The following BIRC6 variants were observed in gnomAD, a reference collection of about 807,000 sequenced individuals.
BIRC6 encodes baculoviral IAP repeat containing 6, also known as dual E2 ubiquitin-conjugating enzyme/E3 ubiquitin-protein ligase BIRC6.
BIRC6 carries 98 observed loss-of-function variants against 503.3 expected under a neutral mutation model. The ratio of observed to expected loss-of-function variants is 0.19; its 90% CI spans 0.17 to 0.23. The LOEUF is 0.23. Ranked by LOEUF, BIRC6 falls within the 10% of genes least tolerant of loss-of-function variation. BIRC6 has a pLI of 1.00. For missense variants in BIRC6, 5,360 were observed against 5,806.0 expected, an observed-to-expected ratio of 0.92 and a Z score of 2.50; for synonymous variants, 2,240 against 2,078.7, an observed-to-expected ratio of 1.08 and a Z score of -2.11.
chr2:32,413,498 T>C (rs2042109832), intron 9 of BIRC6, among the ~76,000 whole-genome samples: 1 of 152,058 alleles, frequency 6.6e-6, no homozygotes, highest in Admixed American at 6.5e-5. Flanking sequence ...TTTGTATTTT[T>C]AGTAGAGGCG....
rs1308228641 is a variant in BIRC6 at position 32,461,178 on chromosome 2, TCCCC to T, written c.4754-2015_4754-2012del. Among the ~76,000 whole-genome samples, 2 of 34,742 alleles carry T rather than the reference TCCCC, an allele frequency of 5.8e-5. 1 individual carries two copies. The highest frequency in any genetic ancestry group is 2.5e-4 in the African/African-American group (2 of 7,870). The allele number at this position is 34,742 out of a possible 152,430, so 22.8% of individuals were successfully genotyped here. On this transcript the variant is annotated intron_variant, in intron 23 of 73. Coordinates refer to ENST00000421745, the MANE Select transcript of BIRC6 (RefSeq NM_016252.4). ...CTCCCCTCTCCCCTCCCCTCTCCCC[TCCCC>T]TCTCCCCTCCCCTTCCCTTTTTTCT...
intron 11 of BIRC6, among the ~76,000 whole-genome samples, chr2:32,430,333 G>A (rs2043957012): frequency 6.6e-6 from 1 of 152,098 alleles, no homozygotes; most frequent in Non-Finnish European, 1.5e-5. Context: ...ATACTAGCAT[G>A]TATGCAAGAT....
chr2:32,510,488 T>A (rs565524791), intron 52 of BIRC6, 38 bp from the exon 53 acceptor site: 1 of 1,259,708 alleles, frequency 7.9e-7, no homozygotes, highest in South Asian at 1.3e-5. Flanking sequence ...TTAACTTGCT[T>A]ATTTAGCAAA....
intron 66 of BIRC6, among the ~76,000 whole-genome samples, chr2:32,586,085 A>G (rs1251666418): frequency 6.6e-6 from 1 of 152,146 alleles, no homozygotes; most frequent in Non-Finnish European, 1.5e-5. Flanking sequence ...ATTGACCCAT[A>G]GTCTAGCTAC....
chr2:32,499,556 C>T lies in BIRC6; in HGVS notation c.8478C>T (p.Phe2826=). ...CTCTCTCTCTCTGCAGGGGTGCTTT[C>T]CAGACAGGCCAAGGACCTCTCGATG... ...IHILSTERGA[F]QTGQGPLDAQ... The change falls in exon 46 of 74, where the codon TTC becomes TTT. Residue 2826 remains phenylalanine, a synonymous_variant. Coordinates refer to ENST00000421745, the MANE Select transcript of BIRC6 (RefSeq NM_016252.4). The T allele has an allele frequency of 6.2e-7, 1 of 1,603,260 alleles. No homozygotes were observed. Among genetic ancestry groups the T allele is most frequent in the Non-Finnish European group, 8.5e-7 (1 of 1,174,652 alleles).
intron 32 of BIRC6, chr2:32,472,872 A>G (rs1439178890): frequency 1.3e-5 from 4 of 319,006 alleles, no homozygotes; most frequent in Admixed American, 4.8e-5. Context: ...TCTAAATGAA[A>G]GATTGGAGAC....
chr2:32,481,859 A>T (rs762020), intron 38 of BIRC6, among the ~76,000 whole-genome samples: 152,382 of 152,384 alleles, frequency 1, 76,190 homozygotes, highest in Middle Eastern at 1. Flanking sequence ...ATATACATAC[A>T]TTACCACTAA....
intron 61 of BIRC6, among the ~76,000 whole-genome samples, chr2:32,541,147 A>C (rs749993553): frequency 6.6e-6 from 1 of 152,066 alleles, no homozygotes; most frequent in Non-Finnish European, 1.5e-5. Context: ...TGCTTCTGTA[A>C]CAATGTTCTA....
chr2:32,592,189 G>A (rs1337537434), intron 66 of BIRC6, among the ~76,000 whole-genome samples: 1 of 152,148 alleles, frequency 6.6e-6, no homozygotes, highest in East Asian at 1.9e-4. Context: ...CTGAAATGGT[G>A]TACAGTATAA....
At chr2:32,380,108 G>C (rs1267804316) in intron 2 of BIRC6, 45 bp from the exon 3 acceptor site, 1 of 1,334,004 alleles carries the variant, frequency 7.5e-7, no homozygotes, top group African/African-American at 1.5e-5. Flanking sequence ...TGTTGTTCTT[G>C]TGTTGAATTT....
intron 17 of BIRC6, among the ~76,000 whole-genome samples, chr2:32,441,763 G>T (rs2045463078): frequency 6.6e-6 from 1 of 152,034 alleles, no homozygotes; most frequent in South Asian, 2.1e-4. Flanking sequence ...GGGGGTAGGA[G>T]GATCACTTGA....
intron 9 of BIRC6, among the ~76,000 whole-genome samples, chr2:32,408,509 T>A (rs2041498336): frequency 6.6e-6 from 1 of 152,082 alleles, no homozygotes; most frequent in Admixed American, 6.6e-5. Context: ...CTATGTTAAG[T>A]TTTTTTTGAT....
chr2:32,574,453 C>G (rs971766545), intron 65 of BIRC6: 1 of 152,154 alleles, frequency 6.6e-6, no homozygotes, highest in Non-Finnish European at 1.5e-5. Flanking sequence ...GAACTTAGCT[C>G]CTAATAGCCT....
intron 45 of BIRC6, among the ~76,000 whole-genome samples, chr2:32,494,620 G>T (rs999558165): frequency 2.0e-5 from 3 of 152,000 alleles, no homozygotes; most frequent in African/African-American, 4.8e-5. Context: ...TAAGGAATAG[G>T]GCTGGGCTCA....
intron 10 of BIRC6, among the ~76,000 whole-genome samples, chr2:32,419,282 A>G (rs1357560682): frequency 6.6e-6 from 1 of 152,224 alleles, no homozygotes; most frequent in South Asian, 2.1e-4. Context: ...ACATAAAACT[A>G]TTTTTCTTGT....
intron 9 of BIRC6, among the ~76,000 whole-genome samples, chr2:32,413,870 A>G (rs1039083185): frequency 6.6e-6 from 1 of 152,144 alleles, no homozygotes; most frequent in Non-Finnish European, 1.5e-5. Flanking sequence ...TGAACTCTAG[A>G]TTACTTATAA....
At chr2:32,501,649 G>T (rs956503504) in intron 46 of BIRC6, 64 bp from the exon 47 acceptor site, 7 of 1,401,888 alleles carry the variant, frequency 5.0e-6, no homozygotes, top group African/African-American at 2.9e-5. Flanking sequence ...GAGATTACAG[G>T]CATGAGCCAC....
chr2:32,422,317 G>T lies in BIRC6; in HGVS notation c.2872+6154G>T, dbSNP rs189150810. Among the ~76,000 whole-genome samples the T allele has an allele frequency of 8.2e-3, 1,248 of 152,162 alleles. 9 individuals are homozygous for T. The highest frequency in any genetic ancestry group is 0.02 in the Middle Eastern group (6 of 294). On this transcript the variant is annotated intron_variant, in intron 10 of 73. Transcript: ENST00000421745. ...GTTGCATTTATGTCTGCCATTTTGA[G>T]TTTTTAAAATGTTCTTTACATTCCT...
In BIRC6 at chr2:32,357,210, C is replaced by G; in HGVS notation, c.49C>G (p.Leu17Val). Residue 17 changes from leucine to valine, a missense_variant, in exon 1 of 74, where the codon CTT becomes GTT. Leu to Val is a conservative substitution (Grantham distance 32, BLOSUM62 1). This residue lies in a region of BIRC6 where 145 missense variants were observed against 106.9 expected (regional missense o/e 1.36). Transcript: ENST00000421745. This position sits in a 1 kb window ranked among gnomAD's most constrained non-coding sequence, Gnocchi z 4.9. ...AAPPGTVTEP[L>V]PSVIVLSAGR... Reference sequence around the variant, plus strand: ...ACCTCCCGGGACTGTCACTGAGCCGCTTCCCAGTGTGATTGTGCTGAGCGC... The same window carrying G: ...ACCTCCCGGGACTGTCACTGAGCCGGTTCCCAGTGTGATTGTGCTGAGCGC... 2 of 1,538,420 alleles carry G rather than the reference C, an allele frequency of 1.3e-6. No homozygotes were observed. Among genetic ancestry groups the G allele is most frequent in the Non-Finnish European group, 1.7e-6 (2 of 1,147,536 alleles).
Sources: allele counts gnomAD v4.1 joint callset (sites outside exome capture counted in the v4.1 genomes callset), GRCh38; gene constraint gnomAD v4.1.1; regional missense constraint gnomAD v4.1.1; non-coding constraint Gnocchi (gnomAD v3.1); transcripts MANE v1.5; gene names NCBI Gene and HGNC (gene_info 2026-07-23, HGNC 2026-07-21).